The following IKBKB variants were observed in gnomAD, a reference collection of about 807,000 sequenced individuals.
The protein encoded by IKBKB is inhibitor of nuclear factor kappa-B kinase subunit beta.
A neutral mutation model predicts 113.6 loss-of-function variants in IKBKB; 42 were observed. That is an observed-to-expected ratio of 0.37 (90% CI 0.29 to 0.48). The LOEUF is 0.48. IKBKB is among the 20% of genes least tolerant of loss of function. IKBKB has a pLI of 0.99. For missense variants in IKBKB, 673 were observed against 939.7 expected (o/e 0.72, Z 3.71); for synonymous variants, 296 against 361.3 (o/e 0.82, Z 2.05).
At chr8:42,327,095 T>G (rs556467026) in intron 20 of IKBKB, among the ~76,000 whole-genome samples, 1 of 152,316 alleles carries the variant, frequency 6.6e-6, no homozygotes, top group African/African-American at 2.4e-5. Context: ...TTTAAATGGG[T>G]GAGCTTTATG....
At chr8:42,326,200 C>T (rs1382491491) in intron 20 of IKBKB, 103 bp downstream of exon 20, 2 of 1,375,054 alleles carry the variant, frequency 1.5e-6, no homozygotes, top group South Asian at 1.3e-5. Flanking sequence ...ATGGTATTAC[C>T]ACCTCTCTGG....
Position 42,331,697 on chromosome 8 carries a change from T to C in IKBKB, c.*718T>C, listed in dbSNP as rs1821706202. On this transcript the variant is annotated 3_prime_UTR_variant, in exon 22 of 22. Transcript: ENST00000520810. ...CCTTTCTGCCAAGAGCGACTCATAG[T>C]AACCAGGATGGGAGAGCAGCTGCCT... 4.4e-6 allele frequency: 2 copies of C among 454,832 alleles called. No homozygotes were observed. Among genetic ancestry groups the C allele is most frequent in the South Asian group, 4.5e-5 (2 of 44,844 alleles). 28.2% of individuals were successfully genotyped at this position (454,832 alleles called of 1,614,324 possible). A position where few individuals can be genotyped will look rare whatever the true frequency, so the allele number is the denominator to read the frequency against.
intron 5 of IKBKB, among the ~76,000 whole-genome samples, chr8:42,295,116 CTTTTTTTTTTT>C (rs903163193): frequency 8.8e-6 from 1 of 113,802 alleles, no homozygotes; most frequent in Non-Finnish European, 1.8e-5. Context: ...TTACGAAAGT[CTTTTTTTTTTT>C]TTTTTTTTTG....
intron 2 of IKBKB, among the ~76,000 whole-genome samples, chr8:42,284,142 T>C (rs1299584011): frequency 1.3e-5 from 2 of 152,290 alleles, no homozygotes; most frequent in Middle Eastern, 3.4e-3. Context: ...TTATTTCTCA[T>C]AGTCCTAGAG....
At chr8:42,277,039 T>G (rs1809288548) in intron 2 of IKBKB, among the ~76,000 whole-genome samples, 1 of 149,910 alleles carries the variant, frequency 6.7e-6, no homozygotes, top group Non-Finnish European at 1.5e-5. Flanking sequence ...ACTAATTTTT[T>G]TTTTGTATTT....
chr8:42,323,921 C>T lies in IKBKB; in HGVS notation c.1986+1427C>T, dbSNP rs184689012. ...AGGTGAGAAGGCATGGCACCTGTTC[C>T]CAGGAGGGCCTGATCCTTCAAGGGG... On this transcript the variant is annotated intron_variant, in intron 19 of 21. Coordinates refer to ENST00000520810, the MANE Select transcript of IKBKB (RefSeq NM_001556.3). Among the ~76,000 whole-genome samples the T allele has an allele frequency of 2.6e-3, 392 of 152,298 alleles. 3 individuals carry two copies. Among genetic ancestry groups the T allele is most frequent in the Admixed American group, 3.8e-3 (58 of 15,300 alleles).
At chr8:42,311,954 G>A (rs1053482085) in intron 8 of IKBKB, among the ~76,000 whole-genome samples, 5 of 151,994 alleles carry the variant, frequency 3.3e-5, no homozygotes, top group East Asian at 3.9e-4. Context: ...TGGCGCGATC[G>A]CGGCTCACTG....
chr8:42,296,977 T>G (rs1164933524), intron 5 of IKBKB, among the ~76,000 whole-genome samples: 1 of 152,232 alleles, frequency 6.6e-6, no homozygotes, highest in Non-Finnish European at 1.5e-5. Flanking sequence ...CCGCTCTGGA[T>G]TTTGATTTTT....
rs1818284967 is a variant in IKBKB at position 42,314,427 on chromosome 8, C to T, written c.798C>T (p.Asn266=). 1 of 1,569,672 alleles carries T rather than the reference C, an allele frequency of 6.4e-7. No individual in the cohort carries two copies. The highest frequency in any genetic ancestry group is 1.7e-5 in the Admixed American group (1 of 59,952). Reference sequence around the variant, plus strand: ...CTTTACCCTACCCCAATAATCTTAACAGGTAAGGCACAGCGGCATTACACG... The same window carrying T: ...CTTTACCCTACCCCAATAATCTTAATAGGTAAGGCACAGCGGCATTACACG... ...SSSLPYPNNL[N]SVLAERLEKW... The change falls in exon 9 of 22, where the codon AAC becomes AAT. Residue 266 remains asparagine (N), a splice_region_variant and synonymous_variant. Coordinates refer to ENST00000520810, the MANE Select transcript of IKBKB (RefSeq NM_001556.3).
At chr8:42,329,071 A>T (rs1313783146) in intron 20 of IKBKB, 53 bp from the exon 21 acceptor site, 1 of 1,359,538 alleles carries the variant, frequency 7.4e-7, no homozygotes, top group East Asian at 2.3e-5. Flanking sequence ...TAGCAGTGTT[A>T]GCTCTGATAA....
At position 42,331,768 on chromosome 8, in the gene IKBKB, G is replaced by C. The variant is rs1174405569; in HGVS notation, c.*789G>C. 1 of 326,038 alleles carries C rather than the reference G, an allele frequency of 3.1e-6. No homozygotes were observed. Among genetic ancestry groups the C allele is most frequent in the Non-Finnish European group, 5.8e-6 (1 of 171,096 alleles). 20.2% of individuals were successfully genotyped at this position (326,038 alleles called of 1,614,324 possible). On this transcript the variant is annotated 3_prime_UTR_variant, in exon 22 of 22. Transcript: ENST00000520810. ...ACTTGGGGGTGATTGTCACAGAGGA[G>C]GGACAGAAAGGGTATCTGCTGACCA...
At chr8:42,324,445 A>G (rs1183727783) in intron 19 of IKBKB, among the ~76,000 whole-genome samples, 1 of 151,950 alleles carries the variant, frequency 6.6e-6, no homozygotes, top group African/African-American at 2.4e-5. Flanking sequence ...TTGTATTTTT[A>G]GTGGAGATGG....
At chr8:42,314,927 G>A (rs1011702996) in intron 9 of IKBKB, among the ~76,000 whole-genome samples, 5 of 152,090 alleles carry the variant, frequency 3.3e-5, no homozygotes, top group African/African-American at 1.2e-4. Flanking sequence ...TATCTCCCTA[G>A]AAATCATCTC....
At chr8:42,298,502 G>A in intron 5 of IKBKB, 1 of 984,580 alleles carries the variant, frequency 1.0e-6, no homozygotes, top group South Asian at 4.7e-5. Context: ...GCACTGTCTA[G>A]CATTGTGGAT....
chr8:42,292,676 C>G (rs1812897229), intron 4 of IKBKB, among the ~76,000 whole-genome samples: 1 of 152,286 alleles, frequency 6.6e-6, no homozygotes, highest in South Asian at 2.1e-4. Context: ...GGAAGCTCCT[C>G]TCTCCGCCCT....
intron 20 of IKBKB, among the ~76,000 whole-genome samples, chr8:42,327,006 A>G (rs1820867180): frequency 6.6e-6 from 1 of 152,178 alleles, no homozygotes; most frequent in Admixed American, 6.5e-5. Context: ...TCTTCTGAGG[A>G]TGACGAAAAC....
rs546195789 is a variant in IKBKB, at chr8:42,275,484, C to T, written c.105+3279C>T. ...ACAGGTGTCAGCCAACAGACTTTAC[C>T]CAACTGAGATCAGTTTTTTATTAGC... On this transcript the variant is annotated intron_variant, in intron 2 of 21. Transcript: ENST00000520810. Among the ~76,000 whole-genome samples the T allele has an allele frequency of 2.0e-5, 3 of 152,234 alleles. No homozygotes were observed. In the South Asian group the frequency reaches 6.2e-4, roughly 32 times the overall value.
intron 16 of IKBKB, chr8:42,321,058 G>A (rs748813124): frequency 2.2e-5 from 10 of 454,882 alleles, no homozygotes; most frequent in Non-Finnish European, 3.5e-5. Context: ...AAGTTGTAAG[G>A]ATGAATTCAG....
chr8:42,288,485 G>C, intron 2 of IKBKB, 149 bp from the exon 3 acceptor site: 1 of 539,236 alleles, frequency 1.9e-6, no homozygotes. Flanking sequence ...GTGCTACGTG[G>C]CTGTCGATCA....
Sources: gnomAD v4.1 joint callset for allele counts (sites outside exome capture counted in the v4.1 genomes callset) on GRCh38, gnomAD v4.1.1 for gene constraint, MANE v1.5 for transcripts, NCBI Gene and HGNC (gene_info 2026-07-23, HGNC 2026-07-21) for gene names.